CYRIB: variants seen among roughly 807,000 people sequenced by gnomAD.
The protein encoded by CYRIB is CYFIP-related Rac1 interactor B.
In CYRIB, 8 loss-of-function variants were observed where a neutral mutation model predicts 44.2. The observed-to-expected ratio is 0.18, with a 90% CI of 0.11 to 0.33. The LOEUF (loss-of-function observed/expected upper bound fraction) is 0.33, where lower values mean the gene tolerates loss of function less well. CYRIB is among the 10% of genes least tolerant of loss of function. The pLI is 1.00. For synonymous variants in CYRIB, 131 were observed against 127.2 expected (o/e 1.03, Z -0.20); for missense variants, 185 against 382.8 (o/e 0.48, Z 4.31).
chr8:129,957,605 C>A (rs867998231), intron 2 of CYRIB, among the ~76,000 whole-genome samples: 1 of 151,922 alleles, frequency 6.6e-6, no homozygotes. Flanking sequence ...TGGAGGTGGG[C>A]GGATTACTTG....
At chr8:129,983,870 C>CG (rs1187141226) in intron 1 of CYRIB, among the ~76,000 whole-genome samples, 1 of 152,190 alleles carries the variant, frequency 6.6e-6, no homozygotes, top group Non-Finnish European at 1.5e-5. Context: ...CCCATAAAGC[C>CG]GATCTTCGCC....
At chr8:129,963,607 G>A (rs1462389402) in intron 2 of CYRIB, among the ~76,000 whole-genome samples, 5 of 152,210 alleles carry the variant, frequency 3.3e-5, no homozygotes, top group Non-Finnish European at 5.9e-5. Flanking sequence ...AGGCAGTGAA[G>A]ATGGAATTAC....
chr8:129,915,016 C>G (rs1248302737), intron 1 of CYRIB, among the ~76,000 whole-genome samples: 1 of 152,092 alleles, frequency 6.6e-6, no homozygotes, highest in Admixed American at 6.6e-5. Context: ...TAAAAAAATA[C>G]TGTAAATGAC....
At chr8:129,996,399 C>T (rs756052921) in intron 1 of CYRIB, among the ~76,000 whole-genome samples, 8 of 152,116 alleles carry the variant, frequency 5.3e-5, no homozygotes, top group Non-Finnish European at 1.0e-4. Context: ...CCCCATCCAC[C>T]ACTGCATCCT....
intron 2 of CYRIB, among the ~76,000 whole-genome samples, chr8:129,880,864 C>G (rs1321155502): frequency 6.6e-6 from 1 of 152,096 alleles, no homozygotes; most frequent in Non-Finnish European, 1.5e-5. Flanking sequence ...CTTGCAGAGT[C>G]AAATCCTATT....
At chr8:129,984,042 C>T (rs2096359158) in intron 1 of CYRIB, among the ~76,000 whole-genome samples, 1 of 152,240 alleles carries the variant, frequency 6.6e-6, no homozygotes, top group Non-Finnish European at 1.5e-5. Flanking sequence ...GGTGATGGTG[C>T]TGCACAGCTG....
intron 2 of CYRIB, among the ~76,000 whole-genome samples, chr8:129,902,003 A>G (rs970573041): frequency 1.3e-5 from 2 of 152,200 alleles, no homozygotes; most frequent in Admixed American, 6.5e-5. Context: ...TTTACTTCAT[A>G]CAATCATGAA....
In CYRIB at chr8:129,977,657, A is replaced by G. The variant is rs186770235; in HGVS notation, c.-295-6662T>C. Among the ~76,000 whole-genome samples the G allele has an allele frequency of 3.0e-3, 448 of 151,646 alleles. 4 individuals are homozygous for G. Among genetic ancestry groups the G allele is most frequent in the African/African-American group, 0.01 (430 of 41,318 alleles). ...CGCCATTCTCCTGCCTCAGCCTCCC[A>G]AGTAGCCGGGACTACAGGCGCCCGC... is the stretch of plus-strand genomic sequence containing the variant. On this transcript the variant is annotated intron_variant, in intron 1 of 14. Transcript: ENST00000401979.
chr8:130,006,836 G>T (rs552819187), intron 1 of CYRIB, among the ~76,000 whole-genome samples: 118 of 150,506 alleles, frequency 7.8e-4, no homozygotes, highest in African/African-American at 2.7e-3. Context: ...GAAAGCAGAG[G>T]TATAAATCCT....
chr8:129,874,463 A>C (rs1287075250), intron 3 of CYRIB, among the ~76,000 whole-genome samples: 1 of 152,104 alleles, frequency 6.6e-6, no homozygotes, highest in Non-Finnish European at 1.5e-5. Context: ...TCAAGATAAA[A>C]ATTATAATTG....
chr8:129,860,596 G>A (rs1403757231), intron 5 of CYRIB, among the ~76,000 whole-genome samples: 1 of 152,034 alleles, frequency 6.6e-6, no homozygotes, highest in Admixed American at 6.6e-5. Flanking sequence ...TTAACAGGCT[G>A]TACTGCATCT....
chr8:130,009,317 G>A (rs1160572018), intron 1 of CYRIB, among the ~76,000 whole-genome samples: 1 of 151,404 alleles, frequency 6.6e-6, no homozygotes, highest in Non-Finnish European at 1.5e-5. Context: ...ACCCAGGCTG[G>A]AGTGCAATGG....
chr8:129,923,423 C>T (rs866525308), intron 1 of CYRIB, among the ~76,000 whole-genome samples: 39 of 151,746 alleles, frequency 2.6e-4, no homozygotes, highest in South Asian at 1.0e-3. Flanking sequence ...TACAGGCGCT[C>T]GCCACCACAC....
intron 1 of CYRIB, among the ~76,000 whole-genome samples, chr8:129,915,680 C>G (rs2080380812): frequency 6.6e-6 from 1 of 152,094 alleles, no homozygotes; most frequent in Non-Finnish European, 1.5e-5. Flanking sequence ...AAACTGTATG[C>G]TTAATAAAAC....
chr8:129,987,270 G>T (rs1017635411), intron 1 of CYRIB, among the ~76,000 whole-genome samples: 2 of 152,176 alleles, frequency 1.3e-5, no homozygotes, highest in African/African-American at 4.8e-5. Flanking sequence ...CACAATAAAT[G>T]ATCTTTTCTA....
chr8:129,880,338 C>A, intron 2 of CYRIB: 1 of 954,544 alleles, frequency 1.0e-6, no homozygotes, highest in Non-Finnish European at 1.2e-6. Context: ...TTCACCTTTA[C>A]CATTATGCAC....
At chr8:129,911,794 C>A (rs1323578422) in intron 1 of CYRIB, among the ~76,000 whole-genome samples, 2 of 152,190 alleles carry the variant, frequency 1.3e-5, no homozygotes, top group African/African-American at 4.8e-5. Flanking sequence ...GGACATTATA[C>A]AGAACCTTCT....
At chr8:129,953,920 C>T (rs1437232646) in intron 2 of CYRIB, among the ~76,000 whole-genome samples, 2 of 151,998 alleles carry the variant, frequency 1.3e-5, no homozygotes, top group African/African-American at 2.4e-5. Flanking sequence ...ACTAAAAGTC[C>T]GAAAGAGCTT....
intron 5 of CYRIB, among the ~76,000 whole-genome samples, chr8:129,861,884 C>T (rs1005124085): frequency 6.6e-6 from 1 of 152,106 alleles, no homozygotes; most frequent in Admixed American, 6.5e-5. Context: ...CTCTCTCCAT[C>T]GCTACAGTAA....
Sources: gnomAD v4.1 joint callset for allele counts (sites outside exome capture counted in the v4.1 genomes callset) on GRCh38, gnomAD v4.1.1 for gene constraint, MANE v1.5 for transcripts, NCBI Gene and HGNC (gene_info 2026-07-23, HGNC 2026-07-21) for gene names.